HEMK2: variants seen among roughly 807,000 people sequenced by gnomAD.
HEMK2 encodes HemK methyltransferase 2, ETF1 glutamine and histone H4 lysine, also known as methyltransferase HEMK2.
At chr21:28,630,896 T>C in the HEMK2 span, among the ~76,000 whole-genome samples, 1 of 152,018 alleles carries the variant, frequency 6.6e-6, no homozygotes, top group African/African-American at 2.4e-5. Flanking sequence ...AACCTGCACG[T>C]TGTGCACATG....
At chr21:28,808,412 A>G in the HEMK2 span, among the ~76,000 whole-genome samples, 6 of 59,558 alleles carry the variant, frequency 1.0e-4, no homozygotes, top group Non-Finnish European at 2.1e-4. Flanking sequence ...CTACCCTTCC[A>G]AAAAAAAAAA....
At chr21:28,796,959 C>T in the HEMK2 span, among the ~76,000 whole-genome samples, 1 of 152,132 alleles carries the variant, frequency 6.6e-6, no homozygotes, top group Non-Finnish European at 1.5e-5. Context: ...TCCAGGGTCA[C>T]TATTTTGTAT....
the HEMK2 span, among the ~76,000 whole-genome samples, chr21:28,698,192 T>A: frequency 2.0e-5 from 3 of 152,176 alleles, no homozygotes; most frequent in Non-Finnish European, 4.4e-5. Context: ...CCATAGCACA[T>A]CATACAACTT....
chr21:28,677,873 C>T, the HEMK2 span, among the ~76,000 whole-genome samples: 1 of 152,144 alleles, frequency 6.6e-6, no homozygotes, highest in African/African-American at 2.4e-5. Context: ...ACAGAAAGGA[C>T]ATCCACACCA....
chr21:28,644,215 G>A, the HEMK2 span, among the ~76,000 whole-genome samples: 4 of 152,278 alleles, frequency 2.6e-5, no homozygotes, highest in South Asian at 2.1e-4. Context: ...AGGCACCTTC[G>A]TCACAAGGTG....
chr21:28,638,665 G>C, the HEMK2 span, among the ~76,000 whole-genome samples: 1 of 152,172 alleles, frequency 6.6e-6, no homozygotes, highest in Non-Finnish European at 1.5e-5. Context: ...GCCCAGCTCA[G>C]CTCATTCTAC....
the HEMK2 span, among the ~76,000 whole-genome samples, chr21:28,707,256 AT>A: frequency 0.041 from 5,670 of 139,984 alleles, 135 homozygotes; most frequent in Non-Finnish European, 0.054. Flanking sequence ...CACAATTTTA[AT>A]TTTTTTTTTT....
the HEMK2 span, among the ~76,000 whole-genome samples, chr21:28,697,595 T>TA: frequency 2.0e-5 from 3 of 152,038 alleles, no homozygotes; most frequent in African/African-American, 7.2e-5. Context: ...GACTTCTCAC[T>TA]CTATTAGTTT....
the HEMK2 span, among the ~76,000 whole-genome samples, chr21:28,776,430 T>C: frequency 6.6e-6 from 1 of 152,210 alleles, no homozygotes; most frequent in African/African-American, 2.4e-5. Flanking sequence ...TATAATCCTA[T>C]TCTGAGAGAG....
chr21:28,661,225 T>C, the HEMK2 span, among the ~76,000 whole-genome samples: 108 of 152,238 alleles, frequency 7.1e-4, no homozygotes, highest in Non-Finnish European at 1.3e-3. Flanking sequence ...TCTGATTTTC[T>C]AAAGTTTCTG....
the HEMK2 span, among the ~76,000 whole-genome samples, chr21:28,750,094 C>T: frequency 1.3e-5 from 2 of 152,254 alleles, no homozygotes; most frequent in East Asian, 3.9e-4. Context: ...CTGAAATACA[C>T]AGAGAGTAGA....
chr21:28,731,229 T>C, the HEMK2 span, among the ~76,000 whole-genome samples: 1 of 152,182 alleles, frequency 6.6e-6, no homozygotes, highest in Non-Finnish European at 1.5e-5. Context: ...ACCCTGTTTA[T>C]ATTATGATAC....
At chr21:28,648,775 C>CTTTTATTTATTTAT in the HEMK2 span, among the ~76,000 whole-genome samples, 2 of 151,856 alleles carry the variant, frequency 1.3e-5, no homozygotes, top group Non-Finnish European at 2.9e-5. Context: ...ACTGTGTTTT[C>CTTTTATTTATTTAT]TTTTATTTAT....
At chr21:28,790,122 C>A in the HEMK2 span, among the ~76,000 whole-genome samples, 1 of 152,078 alleles carries the variant, frequency 6.6e-6, no homozygotes, top group Admixed American at 6.6e-5. Flanking sequence ...AGTTTATTTA[C>A]AGAAATGAAA....
At chr21:28,885,049 A>G in the HEMK2 span, among the ~76,000 whole-genome samples, 2 of 152,018 alleles carry the variant, frequency 1.3e-5, no homozygotes, top group Admixed American at 1.3e-4. Context: ...ACTTGTAGCT[A>G]CAGGAAAATT....
chr21:28,658,869 A>C, the HEMK2 span, among the ~76,000 whole-genome samples: 1 of 152,184 alleles, frequency 6.6e-6, no homozygotes, highest in Admixed American at 6.6e-5. Context: ...ATCTTGTTAA[A>C]CCTGGTCACT....
At chr21:28,649,254 G>A in the HEMK2 span, among the ~76,000 whole-genome samples, 1 of 152,030 alleles carries the variant, frequency 6.6e-6, no homozygotes, top group African/African-American at 2.4e-5. Flanking sequence ...AATTAAAAGA[G>A]GAAGCTCATA....
At chr21:28,610,889 A>T in the HEMK2 span, among the ~76,000 whole-genome samples, 1 of 152,170 alleles carries the variant, frequency 6.6e-6, no homozygotes, top group African/African-American at 2.4e-5. Context: ...GGAGCTCCCA[A>T]AGTTATAAAC....
chr21:28,821,421 G>A, the HEMK2 span, among the ~76,000 whole-genome samples: 6 of 152,156 alleles, frequency 3.9e-5, no homozygotes, highest in African/African-American at 1.4e-4. Context: ...ATATTTAAAT[G>A]AGTTGACCTA....
Sources: gnomAD v4.1 joint callset for allele counts (sites outside exome capture counted in the v4.1 genomes callset) on GRCh38, gnomAD v4.1.1 for gene constraint, MANE v1.5 for transcripts, NCBI Gene and HGNC (gene_info 2026-07-23, HGNC 2026-07-21) for gene names.